ANK3: variants seen among roughly 807,000 people sequenced by gnomAD.
ANK3 encodes the protein ankyrin 3.
A neutral mutation model predicts 370.9 loss-of-function variants in ANK3; 57 were observed. The observed-to-expected ratio is 0.15, with a 90% CI of 0.12 to 0.19. ANK3 has a LOEUF of 0.19. Among genes scored for constraint, ANK3 ranks in the 10% least tolerant of loss-of-function variants. The probability of loss-of-function intolerance (pLI) is 1.00; values close to 1 mark genes in which losing one functional copy is unlikely to be tolerated. For synonymous variants in ANK3, 1,929 were observed against 1,946.3 expected (o/e 0.99, Z 0.23); for missense variants, 4,439 against 5,302.1 (o/e 0.84, Z 5.06).
intron 1 of ANK3, among the ~76,000 whole-genome samples, chr10:60,707,894 T>C (rs1429019561): frequency 6.6e-6 from 1 of 152,068 alleles, no homozygotes; most frequent in African/African-American, 2.4e-5. Flanking sequence ...AAAAACAAGA[T>C]TTATTCAACA....
At chr10:60,301,472 G>T (rs1275379712) in intron 1 of ANK3, among the ~76,000 whole-genome samples, 1 of 147,632 alleles carries the variant, frequency 6.8e-6, no homozygotes, top group African/African-American at 2.5e-5. Flanking sequence ...GGAGTGCAGT[G>T]GCAGGATCTC....
At chr10:60,551,076 T>G (rs2077078215) in intron 2 of ANK3, among the ~76,000 whole-genome samples, 1 of 152,184 alleles carries the variant, frequency 6.6e-6, no homozygotes, top group African/African-American at 2.4e-5. Flanking sequence ...TGGCTCTATT[T>G]TCAATATATC....
At position 60,693,524 on chromosome 10, in the gene ANK3, T is replaced by G. The variant is rs1024534744; in HGVS notation, c.57+39739A>C. Among the ~76,000 whole-genome samples the G allele has an allele frequency of 2.6e-5, 4 of 152,346 alleles. No homozygotes were observed. In the South Asian group the frequency reaches 8.3e-4, roughly 32 times the overall value. ...TGTCTGACAGCTTTGAAGAGAGCAG[T>G]GGTTCTCCCAGTATGCAGCTGGAGA... On this transcript the variant is annotated intron_variant, in intron 1 of 43. Transcript: ENST00000373827.
chr10:60,184,108 AAG>A (rs1283013717), intron 17 of ANK3, among the ~76,000 whole-genome samples: 1 of 152,204 alleles, frequency 6.6e-6, no homozygotes. Context: ...AGTAAGAAAA[AAG>A]AAAGTAAAAA....
At chr10:60,258,320 A>AT (rs1243032804) in intron 7 of ANK3, among the ~76,000 whole-genome samples, 1 of 152,258 alleles carries the variant, frequency 6.6e-6, no homozygotes, top group Non-Finnish European at 1.5e-5. Flanking sequence ...ATGAGCCTGA[A>AT]TAGATCTCCA....
intron 2 of ANK3, among the ~76,000 whole-genome samples, chr10:60,468,337 T>C (rs1415521750): frequency 1.3e-5 from 2 of 152,082 alleles, no homozygotes; most frequent in African/African-American, 4.8e-5. Context: ...GAAGTGTGTA[T>C]TGTCTATAAA....
At chr10:60,305,036 G>A (rs2044691536) in intron 1 of ANK3, among the ~76,000 whole-genome samples, 1 of 152,180 alleles carries the variant, frequency 6.6e-6, no homozygotes, top group African/African-American at 2.4e-5. Flanking sequence ...AGTGGGTGGG[G>A]GAGATAGTCA....
intron 2 of ANK3, among the ~76,000 whole-genome samples, chr10:60,401,616 A>G (rs543511442): frequency 6.6e-6 from 1 of 152,332 alleles, no homozygotes; most frequent in African/African-American, 2.4e-5. Flanking sequence ...TAGTTTTACA[A>G]TCTACTTTAA....
chr10:60,280,574 A>G (rs2098146392), intron 1 of ANK3, among the ~76,000 whole-genome samples: 1 of 152,322 alleles, frequency 6.6e-6, no homozygotes, highest in African/African-American at 2.4e-5. Flanking sequence ...ACCACCTACT[A>G]TTGAAATCTC....
Position 60,696,637 on chromosome 10 carries a change from A to G in ANK3, c.57+36626T>C, listed in dbSNP as rs1241349779. Reference sequence around the variant, plus strand: ...AAATGTAATCCAGCATATAAACAGAACCAAAGACAAAAACCACATGATTAT... The same window carrying G: ...AAATGTAATCCAGCATATAAACAGAGCCAAAGACAAAAACCACATGATTAT... On this transcript the variant is annotated intron_variant, in intron 1 of 43. Coordinates refer to the ANK3 transcript ENST00000373827. Among the ~76,000 whole-genome samples, 303 of 148,208 alleles carry G rather than the reference A, an allele frequency of 2.0e-3. 1 individual carries two copies. Among genetic ancestry groups the G allele is most frequent in the African/African-American group, 7.4e-3 (292 of 39,528 alleles).
chr10:60,658,890 A>G (rs1260455333), intron 1 of ANK3, among the ~76,000 whole-genome samples: 1 of 138,258 alleles, frequency 7.2e-6, no homozygotes, highest in Non-Finnish European at 1.6e-5. Context: ...AAAGAGAAAG[A>G]GAGAGAAAAA....
At chr10:60,544,823 C>T (rs1297901929) in intron 2 of ANK3, among the ~76,000 whole-genome samples, 1 of 151,958 alleles carries the variant, frequency 6.6e-6, no homozygotes, top group Non-Finnish European at 1.5e-5. Flanking sequence ...TGTAAATTTC[C>T]ATATAGCTTT....
At chr10:60,556,835 C>T (rs1425607788) in intron 2 of ANK3, among the ~76,000 whole-genome samples, 1 of 152,166 alleles carries the variant, frequency 6.6e-6, no homozygotes, top group Non-Finnish European at 1.5e-5. Flanking sequence ...GGAACTGGGT[C>T]ACACAGCAGG....
intron 2 of ANK3, among the ~76,000 whole-genome samples, chr10:60,597,096 G>A (rs1453715605): frequency 6.6e-6 from 1 of 151,960 alleles, no homozygotes; most frequent in Non-Finnish European, 1.5e-5. Context: ...CTCCACTAAA[G>A]CGAGCCCCCA....
chr10:60,576,556 T>C (rs549850049), intron 2 of ANK3, among the ~76,000 whole-genome samples: 1 of 152,348 alleles, frequency 6.6e-6, no homozygotes, highest in South Asian at 2.1e-4. Context: ...CAACCTTCCA[T>C]TGATATTCAG....
intron 2 of ANK3, among the ~76,000 whole-genome samples, chr10:60,494,722 A>G (rs892206889): frequency 2.0e-5 from 3 of 152,196 alleles, no homozygotes; most frequent in Non-Finnish European, 4.4e-5. Flanking sequence ...TTCAAGACGT[A>G]TACACTTTAA....
chr10:60,164,556 C>G (rs754187343), intron 23 of ANK3, among the ~76,000 whole-genome samples: 2 of 150,636 alleles, frequency 1.3e-5, no homozygotes, highest in Non-Finnish European at 3.0e-5. Context: ...GATTGTCACA[C>G]AGAAAAGGCA....
intron 28 of ANK3, among the ~76,000 whole-genome samples, chr10:60,093,407 A>T (rs1211998989): frequency 6.6e-6 from 1 of 152,188 alleles, no homozygotes; most frequent in Non-Finnish European, 1.5e-5. Context: ...ACATCCTTCA[A>T]ATGGGGCAGA....
At chr10:60,588,974 G>A (rs2077873173) in intron 2 of ANK3, among the ~76,000 whole-genome samples, 1 of 151,282 alleles carries the variant, frequency 6.6e-6, no homozygotes, top group South Asian at 2.1e-4. Context: ...GAAAGAGGAG[G>A]TCTGTTGATT....
Sources: allele counts gnomAD v4.1 joint callset (sites outside exome capture counted in the v4.1 genomes callset), GRCh38; gene constraint gnomAD v4.1.1; transcripts MANE v1.5; gene names NCBI Gene and HGNC (gene_info 2026-07-23, HGNC 2026-07-21).